Variants in SENP3 observed in about 807,000 individuals in gnomAD.
The protein encoded by SENP3 is SUMO specific peptidase 3, also known as sentrin-specific protease 3.
In SENP3, 11 loss-of-function variants were observed where a neutral mutation model predicts 66.2. The observed-to-expected ratio is 0.17, with a 90% CI of 0.10 to 0.28. The LOEUF is 0.28. SENP3 is among the 10% of genes least tolerant of loss of function. The pLI is 1.00. For synonymous variants in SENP3, 292 were observed against 277.6 expected (o/e 1.05, Z -0.52); for missense variants, 548 against 743.7 (o/e 0.74, Z 3.06).
intron 6 of SENP3, chr17:7,566,033 T>TAAA: frequency 3.4e-6 from 1 of 295,560 alleles, no homozygotes; most frequent in East Asian, 5.6e-5. Flanking sequence ...AAACAAGATT[T>TAAA]AAAAAAAAAA....
chr17:7,565,939 T>C, intron 6 of SENP3, 175 bp downstream of exon 6: 1 of 594,292 alleles, frequency 1.7e-6, no homozygotes, highest in Non-Finnish European at 3.0e-6. Flanking sequence ...GATTTATCAG[T>C]TGTTTTCCTT....
Position 7,562,963 on chromosome 17 carries a change from C to T in SENP3, c.-11-103C>T, listed in dbSNP as rs1597837660. 5.3e-6 allele frequency: 7 copies of T among 1,308,454 alleles called. No individual in the cohort carries two copies. The highest frequency in any genetic ancestry group is 4.8e-5 in the South Asian group (2 of 41,518). The allele number at this position is 1,308,454 out of a possible 1,614,324, so 81.1% of individuals were successfully genotyped here. On this transcript the variant is annotated intron_variant, in intron 1 of 10. Coordinates refer to ENST00000321337, the MANE Select transcript of SENP3 (RefSeq NM_015670.6). This position sits in a 1 kb window ranked among gnomAD's most constrained non-coding sequence, Gnocchi z 5.0. Reference sequence around the variant, plus strand: ...GGAGTTTTGCGTTTTTTCCTCTTTTCTTTATTTGCATCTGAATCCAGAGGA... The same window carrying T: ...GGAGTTTTGCGTTTTTTCCTCTTTTTTTTATTTGCATCTGAATCCAGAGGA...
Position 7,570,047 on chromosome 17 carries a change from C to T in SENP3, c.1342-309C>T, listed in dbSNP as rs919567066. On this transcript the variant is annotated intron_variant, in intron 7 of 10. Transcript: ENST00000321337. The surrounding 1 kb of genome is among the most constrained non-coding windows in gnomAD (Gnocchi z 5.4). ...TAAATGGAGGAGCTGTATTTGAATT[C>T]TGGCAGGCTCCAGAATCCTGGGCCT... 3.9e-5 allele frequency among the ~76,000 whole-genome samples: 6 copies of T among 152,166 alleles called. No individual in the cohort carries two copies. The highest frequency in any genetic ancestry group is 1.5e-5 in the Non-Finnish European group (1 of 68,026).
chr17:7,563,274 C>G lies in SENP3; in HGVS notation c.198C>G (p.Pro66=). The change falls in exon 2 of 11, where the codon CCC becomes CCG. Residue 66 remains proline, a synonymous_variant. Transcript: ENST00000321337. ...TGCCAGCCAGACGCCTCCCTGTCCC[C>G]CGACCCTCTTTTGATGCCTCAGCAA... is the stretch of plus-strand genomic sequence containing the variant. ...TTVPARRLPV[P]RPSFDASASE... 1 of 1,554,178 alleles carries G rather than the reference C, an allele frequency of 6.4e-7. No individual in the cohort carries two copies. The highest frequency in any genetic ancestry group is 8.7e-7 in the Non-Finnish European group (1 of 1,148,424).
rs927411250 is a variant in SENP3, at chr17:7,563,773, C to T, written c.697C>T (p.Pro233Ser). 1.4e-5 allele frequency: 23 copies of T among 1,611,018 alleles called. No individual in the cohort carries two copies. Among genetic ancestry groups the T allele is most frequent in the Non-Finnish European group, 2.0e-5 (23 of 1,179,230 alleles). Residue 233 changes from proline to serine, a missense_variant, in exon 2 of 11, where the codon CCT becomes TCT. Pro to Ser is a moderately conservative substitution (Grantham distance 74). This residue lies in a region of SENP3 where 215 missense variants were observed against 230.7 expected (regional missense o/e 0.93). Coordinates refer to ENST00000321337, the MANE Select transcript of SENP3 (RefSeq NM_015670.6). Reference sequence around the variant, plus strand: ...TGGACTCAGGTGGACTCCAAAGTCTCCTCTGGACCCTGACTCGGGTAAGGT... The same window carrying T: ...TGGACTCAGGTGGACTCCAAAGTCTTCTCTGGACCCTGACTCGGGTAAGGT... Reference protein sequence around the residue: ...EDGLRWTPKSPLDPDSGLLSC... With the variant: ...EDGLRWTPKSSLDPDSGLLSC...
chr17:7,566,012 T>TAACTATTG, intron 6 of SENP3: 1 of 412,212 alleles, frequency 2.4e-6, no homozygotes, highest in Non-Finnish European at 4.4e-6. Context: ...GTTCCTATTG[T>TAACTATTG]AACTATTGTA....
chr17:7,564,305 C>T (rs1203566625), intron 2 of SENP3: 3 of 463,258 alleles, frequency 6.5e-6, no homozygotes, highest in East Asian at 4.6e-5. Context: ...TGAGCCTTTA[C>T]AATATGCTGG....
chr17:7,568,530 A>G (rs1318163596), intron 7 of SENP3, among the ~76,000 whole-genome samples: 2 of 152,132 alleles, frequency 1.3e-5, no homozygotes, highest in Non-Finnish European at 2.9e-5. Context: ...CAGAGGTTGC[A>G]GTGAGCCGAG....
In SENP3 at chr17:7,564,759, C is replaced by A; in HGVS notation, c.850C>A (p.Leu284Ile). 1.2e-6 allele frequency: 2 copies of A among 1,614,030 alleles called. No homozygotes were observed. The highest frequency in any genetic ancestry group is 2.2e-5 in the East Asian group (1 of 44,888). ...CATCGGGGACCATGTGGCCCAGGAG[C>A]TTTTTCAGGGCTCAGATTTGGGCAT... ...CSIGDHVAQE[L>I]FQGSDLGMAE... is the part of the protein sequence containing the mutation. Residue 284 changes from leucine (L) to isoleucine (I), a missense_variant, in exon 3 of 11, where the codon CTT (leucine) becomes ATT (isoleucine). Physicochemically the swap from Leu to Ile is conservative, Grantham distance 5. This residue lies in a region of SENP3 where 215 missense variants were observed against 230.7 expected (regional missense o/e 0.93). Coordinates refer to ENST00000321337, the MANE Select transcript of SENP3 (RefSeq NM_015670.6).
rs1291795290 is a variant in SENP3 at position 7,563,174 on chromosome 17, G to A, written c.98G>A (p.Arg33His). Reference protein sequence around the residue: ...AYSSPRRERLRWPPPPKPRLK... With the variant: ...AYSSPRRERLHWPPPPKPRLK... ...TCAAGTCCCAGGCGGGAGCGTCTTC[G>A]TTGGCCCCCACCTCCCAAACCCCGA... The change falls in exon 2 of 11, where the codon CGT becomes CAT. Residue 33 changes from arginine to histidine, a missense_variant. Physicochemically the swap from Arg to His is conservative, Grantham distance 29. This residue lies in a region of SENP3 where 164 missense variants were observed against 167.9 expected (regional missense o/e 0.98). Coordinates refer to ENST00000321337, the MANE Select transcript of SENP3 (RefSeq NM_015670.6). 1.3e-6 allele frequency: 2 copies of A among 1,562,110 alleles called. No homozygotes were observed. The highest frequency in any genetic ancestry group is 1.7e-6 in the Non-Finnish European group (2 of 1,154,162).
Position 7,570,049 on chromosome 17 carries a change from G to A in SENP3, c.1342-307G>A, listed in dbSNP as rs2071300450. ...AATGGAGGAGCTGTATTTGAATTCT[G>A]GCAGGCTCCAGAATCCTGGGCCTGG... On this transcript the variant is annotated intron_variant, in intron 7 of 10. Transcript: ENST00000321337. The surrounding 1 kb of genome is among the most constrained non-coding windows in gnomAD (Gnocchi z 5.4). Among the ~76,000 whole-genome samples, 1 of 152,166 alleles carries A rather than the reference G, an allele frequency of 6.6e-6. No homozygotes were observed. Among genetic ancestry groups the A allele is most frequent in the South Asian group, 2.1e-4 (1 of 4,826 alleles).
intron 2 of SENP3, 181 bp from the exon 3 acceptor site, chr17:7,564,444 G>C: frequency 1.2e-6 from 1 of 813,624 alleles, no homozygotes; most frequent in African/African-American, 1.7e-5. Flanking sequence ...AGAATCTCTT[G>C]GACATGTTTA....
chr17:7,570,377 C>T lies in SENP3; in HGVS notation c.1363C>T (p.Leu455=), dbSNP rs542413889. The T allele has an allele frequency of 1.6e-4, 265 of 1,613,798 alleles. 3 individuals carry two copies. In the South Asian group the frequency reaches 2.7e-3, roughly 16 times the overall value. ...TKNVDIFNKE[L]LLIPIHLEVH... is the part of the protein sequence containing the mutation. Reference sequence around the variant, plus strand: ...TTAGGTGGACATCTTCAATAAGGAGCTACTGCTAATCCCCATCCACCTGGA... The same window carrying T: ...TTAGGTGGACATCTTCAATAAGGAGTTACTGCTAATCCCCATCCACCTGGA... The change falls in exon 8 of 11, where the codon CTA becomes TTA. Residue 455 remains leucine, a synonymous_variant. Coordinates refer to ENST00000321337, the MANE Select transcript of SENP3 (RefSeq NM_015670.6). This position sits in a 1 kb window ranked among gnomAD's most constrained non-coding sequence, Gnocchi z 5.4.
chr17:7,564,119 T>G (rs2071248044), intron 2 of SENP3, among the ~76,000 whole-genome samples: 1 of 152,118 alleles, frequency 6.6e-6, no homozygotes, highest in Non-Finnish European at 1.5e-5. Context: ...CCTCTCAGTA[T>G]AAGAACCCCC....
At position 7,562,151 on chromosome 17, in the gene SENP3, C is replaced by T. The variant is rs2071221175; in HGVS notation, c.-124C>T. 5.0e-6 allele frequency: 2 copies of T among 398,514 alleles called. No homozygotes were observed. The highest frequency in any genetic ancestry group is 2.5e-4 in the South Asian group (2 of 7,902). 24.7% of individuals were successfully genotyped at this position (398,514 alleles called of 1,614,324 possible). On this transcript the variant is annotated 5_prime_UTR_variant, in exon 1 of 11. Coordinates refer to ENST00000321337, the MANE Select transcript of SENP3 (RefSeq NM_015670.6). The surrounding 1 kb of genome is among the most constrained non-coding windows in gnomAD (Gnocchi z 5.0). Reference sequence around the variant, plus strand: ...GGAATCCTGAATTGAGACGGCTGCGCCTAAAGACAGCAGGAGTGGCGGGGC... The same window carrying T: ...GGAATCCTGAATTGAGACGGCTGCGTCTAAAGACAGCAGGAGTGGCGGGGC...
Position 7,563,406 on chromosome 17 carries a change from G to GGGGCCCC in SENP3, c.330_331insGGGCCCC (p.Pro111GlyfsTer79). On this transcript the variant is annotated frameshift_variant, in exon 2 of 11. Transcript: ENST00000321337. LOFTEE classifies it high-confidence loss of function. ...GGAGTCAGCTGGGAACCTCCCAGCG[G>GGGGCCCC]CCCCGCCCTTCCCGCCCCACTCATC... The GGGGCCCC allele has an allele frequency of 1.9e-6, 3 of 1,547,470 alleles. No individual in the cohort carries two copies. The highest frequency in any genetic ancestry group is 2.6e-6 in the Non-Finnish European group (3 of 1,143,980).
Position 7,562,822 on chromosome 17 carries a change from G to A in SENP3, c.-11-244G>A, listed in dbSNP as rs2071230797. Among the ~76,000 whole-genome samples, 1 of 152,230 alleles carries A rather than the reference G, an allele frequency of 6.6e-6. No homozygotes were observed. Among genetic ancestry groups the A allele is most frequent in the Non-Finnish European group, 1.5e-5 (1 of 68,042 alleles). On this transcript the variant is annotated intron_variant, in intron 1 of 10. Transcript: ENST00000321337. This position sits in a 1 kb window ranked among gnomAD's most constrained non-coding sequence, Gnocchi z 5.0. The stretch of plus-strand genomic sequence containing the variant: ...TTTGGCCTGGTGATCTTAGAAATAA[G>A]ATCTCTGAGGCCTGCTGCTTAGCCA...
intron 10 of SENP3, among the ~76,000 whole-genome samples, 178 bp downstream of exon 10, chr17:7,571,111 T>C (rs897204073): frequency 1.3e-5 from 2 of 152,194 alleles, no homozygotes; most frequent in Non-Finnish European, 2.9e-5. Context: ...CCATCCCACA[T>C]TGGGACTGGG....
At chr17:7,567,153 T>G in intron 7 of SENP3, 149 bp downstream of exon 7, 1 of 678,632 alleles carries the variant, frequency 1.5e-6, no homozygotes, top group Admixed American at 2.4e-5. Flanking sequence ...GGATACAGTG[T>G]TAAATAAGGA....
Sources: allele counts gnomAD v4.1 joint callset (sites outside exome capture counted in the v4.1 genomes callset), GRCh38; gene constraint gnomAD v4.1.1; regional missense constraint gnomAD v4.1.1; non-coding constraint Gnocchi (gnomAD v3.1); transcripts MANE v1.5; gene names NCBI Gene and HGNC (gene_info 2026-07-23, HGNC 2026-07-21).